Variants in OCLN observed in about 807,000 individuals in gnomAD.
The protein encoded by OCLN is phosphatase 1, regulatory subunit 115.
In OCLN, 21 loss-of-function variants were observed where a neutral mutation model predicts 47.9. The observed-to-expected ratio is 0.44, with a 90% confidence interval of 0.31 to 0.63. The LOEUF (loss-of-function observed/expected upper bound fraction) is 0.63, where lower values mean the gene tolerates loss of function less well. OCLN is among the 30% of genes least tolerant of loss of function. OCLN has a pLI of 0.08. For synonymous variants in OCLN, 117 were observed against 198.4 expected, an observed-to-expected ratio of 0.59 and a Z score of 3.45; for missense variants, 360 against 571.0, an observed-to-expected ratio of 0.63 and a Z score of 3.77.
chr5:69,536,695 G>C (rs1386986770), intron 5 of OCLN, among the ~76,000 whole-genome samples: 1 of 151,400 alleles, frequency 6.6e-6, no homozygotes, highest in Non-Finnish European at 1.5e-5. Context: ...AAGGCCGGAC[G>C]CGGTGGCTCA....
Position 69,511,470 on chromosome 5 carries a change from G to A in OCLN, c.729+1651G>A, listed in dbSNP as rs191197421. On this transcript the variant is annotated intron_variant, in intron 3 of 8. Transcript: ENST00000396442. The stretch of plus-strand genomic sequence containing the variant: ...ACTGTCACCCAGGCTGGGGTGCAGT[G>A]GTGCAGTCACAGCTCACTGCATCCT... 1.5e-3 allele frequency among the ~76,000 whole-genome samples: 231 copies of A among 152,106 alleles called. 2 individuals are homozygous for A. Among genetic ancestry groups the A allele is most frequent in the African/African-American group, 5.3e-3 (222 of 41,504 alleles).
chr5:69,557,733 G>A lies in OCLN; in HGVS notation c.*4062G>A, dbSNP rs1284374141. 1.2e-5 allele frequency: 1 copy of A among 81,624 alleles called. No individual in the cohort carries two copies. Among genetic ancestry groups the A allele is most frequent in the Non-Finnish European group, 3.7e-5 (1 of 27,196 alleles). 5.1% of individuals were successfully genotyped at this position (81,624 alleles called of 1,614,324 possible). On this transcript the variant is annotated 3_prime_UTR_variant, in exon 9 of 9. Transcript: ENST00000396442. The stretch of plus-strand genomic sequence containing the variant: ...GGAATGATTTAGTTTCCCTGTAAGG[G>A]AGCCTGTCTATTGGAATAGACAGGT...
Position 69,514,047 on chromosome 5 carries a change from T to G in OCLN, c.829T>G (p.Ser277Ala), listed in dbSNP as rs746963747. The G allele has an allele frequency of 3.1e-6, 5 of 1,614,060 alleles. No individual in the cohort carries two copies. The South Asian group carries it at 5.5e-5, about 18-fold the overall frequency. ...TRRKMDRYDK[S>A]NILWDKEHIY... ...AAGAAAGATGGACAGGTATGACAAG[T>G]CCAATATTTTGTGGGACAAGGAACA... is the stretch of plus-strand genomic sequence containing the variant. The change falls in exon 4 of 9, where the codon TCC (serine) becomes GCC (alanine). Residue 277 changes from serine to alanine, a missense_variant. This residue lies in a region of OCLN where 314 missense variants were observed against 368.1 expected (regional missense o/e 0.85). Coordinates refer to ENST00000396442, the MANE Select transcript of OCLN (RefSeq NM_001205254.2).
Position 69,553,922 on chromosome 5 carries a change from G to C in OCLN, c.*251G>C, listed in dbSNP as rs1769902701. On this transcript the variant is annotated 3_prime_UTR_variant, in exon 9 of 9. Coordinates refer to ENST00000396442, the MANE Select transcript of OCLN (RefSeq NM_001205254.2). The stretch of plus-strand genomic sequence containing the variant: ...TTGTATTAAGAATGAAATACTGTTT[G>C]AGGTTTTTAAGCCTTAAAGGAAGGT... 4.5e-6 allele frequency: 2 copies of C among 440,286 alleles called. No individual in the cohort carries two copies. Among genetic ancestry groups the C allele is most frequent in the East Asian group, 8.8e-5 (2 of 22,766 alleles). 27.3% of individuals were successfully genotyped at this position (440,286 alleles called of 1,614,324 possible). A position where few individuals can be genotyped will look rare whatever the true frequency, so the allele number is the denominator to read the frequency against.
chr5:69,524,756 G>C (rs2112031101), intron 4 of OCLN, among the ~76,000 whole-genome samples: 1 of 152,258 alleles, frequency 6.6e-6, no homozygotes, highest in Admixed American at 6.5e-5. Flanking sequence ...GCATGATCTT[G>C]GCTCACTGTA....
intron 4 of OCLN, among the ~76,000 whole-genome samples, chr5:69,522,222 G>T (rs544618809): frequency 6.6e-6 from 1 of 152,106 alleles, no homozygotes; most frequent in Non-Finnish European, 1.5e-5. Context: ...CCCCCTTCAA[G>T]GTTTAAATAA....
At position 69,519,293 on chromosome 5, in the gene OCLN, G is replaced by A. The variant is rs114737834; in HGVS notation, c.891+5184G>A. Among the ~76,000 whole-genome samples, 1,174 of 152,216 alleles carry A rather than the reference G, an allele frequency of 7.7e-3. 9 individuals carry two copies. Among genetic ancestry groups the A allele is most frequent in the African/African-American group, 0.027 (1,102 of 41,526 alleles). On this transcript the variant is annotated intron_variant, in intron 4 of 8. Coordinates refer to ENST00000396442, the MANE Select transcript of OCLN (RefSeq NM_001205254.2). ...TTTAGCATCTTCAGGATTATAACAC[G>A]CCTCCTGCCCTCCCACCTCTCAGAG...
intron 1 of OCLN, among the ~76,000 whole-genome samples, chr5:69,495,479 C>A (rs1768264000): frequency 6.6e-6 from 1 of 152,196 alleles, no homozygotes; most frequent in Admixed American, 6.5e-5. Flanking sequence ...CACTTAATTA[C>A]ATTTGACAAA....
At chr5:69,548,426 G>C (rs1218727961) in intron 7 of OCLN, among the ~76,000 whole-genome samples, 1 of 149,012 alleles carries the variant, frequency 6.7e-6, no homozygotes, top group Non-Finnish European at 1.5e-5. Flanking sequence ...CCATTCTCCT[G>C]ACTCAGCCTC....
chr5:69,512,169 T>C (rs2111984868), intron 3 of OCLN, among the ~76,000 whole-genome samples: 1 of 152,354 alleles, frequency 6.6e-6, no homozygotes, highest in East Asian at 1.9e-4. Context: ...TTCTATTATT[T>C]AATTTTTCTA....
intron 3 of OCLN, among the ~76,000 whole-genome samples, chr5:69,510,033 A>G (rs1425634851): frequency 2.6e-5 from 4 of 152,210 alleles, no homozygotes; most frequent in African/African-American, 9.7e-5. Flanking sequence ...TTTTTAATAT[A>G]TTCACAGAAT....
chr5:69,509,163 A>C lies in OCLN; in HGVS notation c.73A>C (p.Ser25Arg). 1.2e-6 allele frequency: 2 copies of C among 1,614,058 alleles called. No homozygotes were observed. The highest frequency in any genetic ancestry group is 1.7e-6 in the Non-Finnish European group (2 of 1,179,852). ...DEFKPNHYAP[S>R]NDIYGGEMHV... ...CAGCAAACCGAATCATTATGCACCAAGCAATGACATATATGGTGGAGAGAT... is the reference window on the plus strand; with the variant it reads ...CAGCAAACCGAATCATTATGCACCACGCAATGACATATATGGTGGAGAGAT... The change falls in exon 3 of 9, where the codon AGC becomes CGC. Residue 25 changes from serine (S) to arginine (R), a missense_variant. Coordinates refer to ENST00000396442, the MANE Select transcript of OCLN (RefSeq NM_001205254.2).
chr5:69,554,933 G>A lies in OCLN; in HGVS notation c.*1262G>A, dbSNP rs1384335135. ...TTTAGTATGCATTTCAGATATTTAG[G>A]TATATAATTTTTTTTTTTTTTTGAG... On this transcript the variant is annotated 3_prime_UTR_variant, in exon 9 of 9. Coordinates refer to ENST00000396442, the MANE Select transcript of OCLN (RefSeq NM_001205254.2). 6.7e-6 allele frequency: 1 copy of A among 148,156 alleles called. No individual in the cohort carries two copies. Among genetic ancestry groups the A allele is most frequent in the Non-Finnish European group, 1.5e-5 (1 of 66,766 alleles). The allele number at this position is 148,156 out of a possible 1,614,324, so 9.2% of individuals were successfully genotyped here.
At position 69,535,026 on chromosome 5, in the gene OCLN, G is replaced by A. The variant is rs1769544647; in HGVS notation, c.1037+187G>A. On this transcript the variant is annotated intron_variant, in intron 5 of 8. Transcript: ENST00000396442. Reference sequence around the variant, plus strand: ...GGCCTACGGCTACTTGGAAGACCAGGATGAGGAGGGTGGGGTTCTATTTCC... The same window carrying A: ...GGCCTACGGCTACTTGGAAGACCAGAATGAGGAGGGTGGGGTTCTATTTCC... Among the ~76,000 whole-genome samples the A allele has an allele frequency of 7.9e-5, 12 of 151,870 alleles. No homozygotes were observed. In the South Asian group the frequency reaches 2.5e-3, roughly 32 times the overall value.
chr5:69,496,668 A>G (rs993158953), intron 1 of OCLN, among the ~76,000 whole-genome samples: 7 of 150,926 alleles, frequency 4.6e-5, no homozygotes, highest in Non-Finnish European at 8.8e-5. Flanking sequence ...GGCTTCCCAA[A>G]GTACTGGGAT....
At chr5:69,521,760 A>G (rs1769144430) in intron 4 of OCLN, among the ~76,000 whole-genome samples, 1 of 152,226 alleles carries the variant, frequency 6.6e-6, no homozygotes, top group African/African-American at 2.4e-5. Flanking sequence ...TCTGGTTATT[A>G]TCTGTCATTA....
intron 1 of OCLN, 43 bp from the exon 2 acceptor site, chr5:69,504,132 CTG>C (rs1768531383): frequency 1.3e-6 from 1 of 780,954 alleles, no homozygotes; most frequent in South Asian, 1.4e-5. Context: ...AAGAAAGAAA[CTG>C]TGAGCTTAGT....
At chr5:69,527,781 G>A (rs1432767738) in intron 4 of OCLN, among the ~76,000 whole-genome samples, 3 of 152,048 alleles carry the variant, frequency 2.0e-5, no homozygotes, top group Non-Finnish European at 1.5e-5. Flanking sequence ...TGTCTGAACC[G>A]CAGAAGGGAG....
At chr5:69,517,430 C>G (rs983302092) in intron 4 of OCLN, among the ~76,000 whole-genome samples, 1 of 151,592 alleles carries the variant, frequency 6.6e-6, no homozygotes, top group African/African-American at 2.4e-5. Flanking sequence ...CCTGCCTTGG[C>G]CTCCCGAGTA....
Sources: gnomAD v4.1 joint callset for allele counts (sites outside exome capture counted in the v4.1 genomes callset) on GRCh38, gnomAD v4.1.1 for gene constraint, gnomAD v4.1.1 regional missense constraint, MANE v1.5 for transcripts, NCBI Gene and HGNC (gene_info 2026-07-23, HGNC 2026-07-21) for gene names.